Variants in IFT122 observed in about 807,000 individuals in gnomAD.
The protein encoded by IFT122 is intraflagellar transport protein 122 homolog.
Under a neutral mutation model 161.6 loss-of-function variants are expected in IFT122, and 118 were observed. That is an observed-to-expected ratio of 0.73 (90% CI 0.63 to 0.85). IFT122 has a LOEUF of 0.85. IFT122 is among the 40% of genes least tolerant of loss of function. The pLI, the probability that IFT122 is intolerant of heterozygous loss-of-function variation, is 0.00. For missense variants in IFT122, 1,381 were observed against 1,579.6 expected, an observed-to-expected ratio of 0.87 and a Z score of 2.13; for synonymous variants, 550 against 602.4, an observed-to-expected ratio of 0.91 and a Z score of 1.27.
chr3:129,473,761 A>G (rs1324522542), intron 9 of IFT122, among the ~76,000 whole-genome samples: 1 of 152,256 alleles, frequency 6.6e-6, no homozygotes, highest in Non-Finnish European at 1.5e-5. Flanking sequence ...ATACTCACCC[A>G]GCATGATGGT....
intron 20 of IFT122, 64 bp downstream of exon 20, chr3:129,502,946 G>A: frequency 2.0e-6 from 3 of 1,525,818 alleles, no homozygotes; most frequent in Non-Finnish European, 2.7e-6. Flanking sequence ...AGGCGGGTGG[G>A]TACAGGGGCC....
chr3:129,450,013 T>C (rs1286537849), intron 2 of IFT122, 76 bp downstream of exon 2: 15 of 464,008 alleles, frequency 3.2e-5, no homozygotes, highest in East Asian at 4.5e-5. Flanking sequence ...ATTTGACCCT[T>C]TTTTTTTTTT....
chr3:129,449,621 T>C (rs1230236570), intron 1 of IFT122, among the ~76,000 whole-genome samples: 1 of 152,212 alleles, frequency 6.6e-6, no homozygotes, highest in African/African-American at 2.4e-5. Flanking sequence ...CTTTGAATAA[T>C]TTCTTGTGTC....
chr3:129,500,024 C>T lies in IFT122; in HGVS notation c.2331C>T (p.His777=), dbSNP rs774633968. 2.0e-5 allele frequency: 33 copies of T among 1,614,166 alleles called. No homozygotes were observed. The Admixed American group carries it at 3.7e-4, about 18-fold the overall frequency. The change falls in exon 19 of 30, where the codon CAC becomes CAT. Residue 777 remains histidine, a synonymous_variant. Coordinates refer to ENST00000348417, the MANE Select transcript of IFT122 (RefSeq NM_052989.3). Reference sequence around the variant, plus strand: ...AGATGTACATCTCAGCAGGAGAGCACGTCAAGGCCATCGAGATCTGTGGTG... The same window carrying T: ...AGATGTACATCTCAGCAGGAGAGCATGTCAAGGCCATCGAGATCTGTGGTG... The part of the protein sequence containing the change: ...AVEMYISAGE[H]VKAIEICGDH...
chr3:129,477,189 C>T (rs1047113357), intron 11 of IFT122, among the ~76,000 whole-genome samples: 2 of 152,146 alleles, frequency 1.3e-5, no homozygotes, highest in African/African-American at 4.8e-5. Flanking sequence ...GCTTCTCCCT[C>T]AGCCCTGTCT....
At chr3:129,519,755 C>G in intron 29 of IFT122, 23 bp downstream of exon 29, 3 of 1,612,738 alleles carry the variant, frequency 1.9e-6, no homozygotes, top group Non-Finnish European at 2.5e-6. Context: ...CCTGGTAGCT[C>G]ACATGTGCTT....
intron 24 of IFT122, 28 bp downstream of exon 24, chr3:129,512,440 CCCA>C: frequency 1.4e-6 from 2 of 1,458,194 alleles, no homozygotes; most frequent in Non-Finnish European, 1.9e-6. Flanking sequence ...CCTCCTCCGT[CCCA>C]CCACCGTTCT....
At chr3:129,502,344 G>A (rs908163922) in intron 19 of IFT122, among the ~76,000 whole-genome samples, 3 of 152,228 alleles carry the variant, frequency 2.0e-5, no homozygotes, top group Non-Finnish European at 4.4e-5. Flanking sequence ...TCATCTGAGA[G>A]ATGGAAATAA....
chr3:129,476,865 C>A, intron 11 of IFT122, 64 bp downstream of exon 11: 1 of 1,599,446 alleles, frequency 6.3e-7, no homozygotes, highest in Non-Finnish European at 8.6e-7. Context: ...GGGCTGGTGA[C>A]AGGGCACTTG....
chr3:129,516,696 A>G lies in IFT122; in HGVS notation c.3266-773A>G, dbSNP rs1187727238. 3.8e-3 allele frequency among the ~76,000 whole-genome samples: 199 copies of G among 52,444 alleles called. 2 individuals carry two copies. Among genetic ancestry groups the G allele is most frequent in the African/African-American group, 0.029 (168 of 5,792 alleles). 34.4% of individuals were successfully genotyped at this position (52,444 alleles called of 152,430 possible). On this transcript the variant is annotated intron_variant, in intron 26 of 29. Coordinates refer to ENST00000348417, the MANE Select transcript of IFT122 (RefSeq NM_052989.3). Reference sequence around the variant, plus strand: ...CTGCACACACACAGATTGCTCCTGCACACACACACACACACACACACACAC... The same window carrying G: ...CTGCACACACACAGATTGCTCCTGCGCACACACACACACACACACACACAC...
chr3:129,497,791 G>T (rs1373149632), intron 18 of IFT122, among the ~76,000 whole-genome samples: 6 of 152,094 alleles, frequency 3.9e-5, no homozygotes, highest in Admixed American at 1.3e-4. Flanking sequence ...CACATTATGT[G>T]GGGGGTGGGG....
Position 129,460,954 on chromosome 3 carries a change from G to A in IFT122, c.273-274G>A, listed in dbSNP as rs1322002497. 1.2e-6 allele frequency: 2 copies of A among 1,609,656 alleles called. No homozygotes were observed. The highest frequency in any genetic ancestry group is 1.7e-5 in the Admixed American group (1 of 60,008). On this transcript the variant is annotated intron_variant, in intron 4 of 29. Coordinates refer to ENST00000348417, the MANE Select transcript of IFT122 (RefSeq NM_052989.3). ...CACAGATAAAGCACCTAAAGGCCAAGGTGGGAGGATTGATTGCTTGAGGCC... is the reference window on the plus strand; with the variant it reads ...CACAGATAAAGCACCTAAAGGCCAAAGTGGGAGGATTGATTGCTTGAGGCC...
rs7429444 is a variant in IFT122, at chr3:129,489,482, G to A, written c.1992+1085G>A. Among the ~76,000 whole-genome samples the A allele has an allele frequency of 3.8e-3, 585 of 152,316 alleles. 4 individuals carry two copies. Among genetic ancestry groups the A allele is most frequent in the Middle Eastern group, 6.8e-3 (2 of 294 alleles). ...AGGGAAGTGATCGTTGTGTAACAAT[G>A]ATCTAGATTATATTTTTAGATGTCC... On this transcript the variant is annotated intron_variant, in intron 16 of 29. Coordinates refer to ENST00000348417, the MANE Select transcript of IFT122 (RefSeq NM_052989.3).
rs754388967 is a variant in IFT122 at position 129,451,990 on chromosome 3, C to T, written c.185C>T (p.Ala62Val). Residue 62 changes from alanine (A) to valine (V), a missense_variant, in exon 3 of 30, where the codon GCG (alanine) becomes GTG (valine). By Grantham distance (64) the Ala-to-Val change is moderately conservative. This residue lies in a region of IFT122 where 134 missense variants were observed against 137.4 expected (regional missense o/e 0.98). Coordinates refer to ENST00000348417, the MANE Select transcript of IFT122 (RefSeq NM_052989.3). ...GACACTGTGTACTGTGTGGCATATG[C>T]GAAGGATGGTAAAAGGCTGCTCTGG... is the stretch of plus-strand genomic sequence containing the variant. ...HKDTVYCVAY[A>V]KDGKRFASGS... 6.2e-6 allele frequency: 10 copies of T among 1,612,322 alleles called. No individual in the cohort carries two copies. The highest frequency in any genetic ancestry group is 1.6e-4 in the Middle Eastern group (1 of 6,080).
At chr3:129,459,718 TTCCTTCCTTCCCTCCC>T (rs2076005600) in intron 4 of IFT122, among the ~76,000 whole-genome samples, 3 of 88,444 alleles carry the variant, frequency 3.4e-5, no homozygotes, top group South Asian at 9.7e-4. Context: ...CCTTCCTTCC[TTCCTTCCTTCCCTCCC>T]TCCCTCCCTT....
Position 129,440,325 on chromosome 3 carries a change from G to T in IFT122, c.-6G>T. 6.4e-7 allele frequency: 1 copy of T among 1,550,892 alleles called. No individual in the cohort carries two copies. The highest frequency in any genetic ancestry group is 8.7e-7 in the Non-Finnish European group (1 of 1,146,854). On this transcript the variant is annotated 5_prime_UTR_variant, in exon 1 of 30. Coordinates refer to ENST00000348417, the MANE Select transcript of IFT122 (RefSeq NM_052989.3). The stretch of plus-strand genomic sequence containing the variant: ...AGGAGGAGCCCGAGCCGTAAGGGAA[G>T]CCGTGATGAGGGCCGTGTTGACGTG...
intron 9 of IFT122, among the ~76,000 whole-genome samples, chr3:129,471,432 A>G (rs1216673027): frequency 6.6e-6 from 1 of 151,870 alleles, no homozygotes; most frequent in Non-Finnish European, 1.5e-5. Context: ...CATTCAACAG[A>G]TACTTATTGG....
rs76572254 is a variant in IFT122 at position 129,504,396 on chromosome 3, C to T, written c.2625C>T (p.Asn875=). The T allele has an allele frequency of 3.2e-4, 522 of 1,613,982 alleles. No homozygotes were observed. The East Asian group carries it at 4.5e-3, about 14-fold the overall frequency. ...YMPYAQWLAE[N]DRFEEAQKAF... ...CGTATGCTCAGTGGCTAGCAGAGAA[C>T]GATCGCTTTGAGGAAGCCCAGAAAG... Residue 875 remains asparagine, a synonymous_variant, in exon 21 of 30, where the codon AAC becomes AAT. Coordinates refer to ENST00000348417, the MANE Select transcript of IFT122 (RefSeq NM_052989.3).
intron 7 of IFT122, among the ~76,000 whole-genome samples, chr3:129,465,099 G>C (rs1189895244): frequency 6.7e-6 from 1 of 148,588 alleles, no homozygotes; most frequent in African/African-American, 2.5e-5. Context: ...ACATGTGTAC[G>C]TGTACATGTA....
Sources: gnomAD v4.1 joint callset for allele counts (sites outside exome capture counted in the v4.1 genomes callset) on GRCh38, gnomAD v4.1.1 for gene constraint, gnomAD v4.1.1 regional missense constraint, MANE v1.5 for transcripts, NCBI Gene and HGNC (gene_info 2026-07-23, HGNC 2026-07-21) for gene names.